Variants in ZNF500 observed in about 807,000 individuals in gnomAD.
The protein encoded by ZNF500 is zinc finger protein with KRAB and SCAN domains 18.
Under a neutral mutation model 30.1 loss-of-function variants are expected in ZNF500, and 31 were observed. That is an observed-to-expected ratio of 1.03 (90% CI 0.77 to 1.39). The LOEUF (loss-of-function observed/expected upper bound fraction) is 1.39, where lower values mean the gene tolerates loss of function less well. Among genes scored for constraint, ZNF500 ranks in the 40% most tolerant of loss-of-function variants. The probability of loss-of-function intolerance (pLI) is 0.00; values close to 1 mark genes in which losing one functional copy is unlikely to be tolerated. For synonymous variants in ZNF500, 392 were observed against 282.0 expected (o/e 1.39, Z -3.91); for missense variants, 817 against 657.8 (o/e 1.24, Z -2.65).
chr16:4,752,789 G>A lies in ZNF500; in HGVS notation c.1030C>T (p.Gln344Ter), dbSNP rs768111521. 1 of 1,614,266 alleles carries A rather than the reference G, an allele frequency of 6.2e-7. No individual in the cohort carries two copies. Among genetic ancestry groups the A allele is most frequent in the South Asian group, 1.1e-5 (1 of 91,090 alleles). Residue 344 changes from glutamine (Q) to a stop codon, truncating the protein, a stop_gained, in exon 6 of 6, where the codon CAG (glutamine) becomes TAG (stop). Coordinates refer to ENST00000219478, the MANE Select transcript of ZNF500 (RefSeq NM_021646.4). LOFTEE classifies it low-confidence loss of function (END_TRUNC). ...FSKTSHLTKHQRTHTGERPYK... is the reference protein window; with the variant it reads ...FSKTSHLTKH ...GGCCGCTCGCCCGTGTGTGTGCGCTGGTGCTTGGTCAAGTGGGACGTCTTG... is the reference window on the plus strand; with the variant it reads ...GGCCGCTCGCCCGTGTGTGTGCGCTAGTGCTTGGTCAAGTGGGACGTCTTG...
intron 1 of ZNF500, among the ~76,000 whole-genome samples, chr16:4,766,287 A>G (rs1367686022): frequency 6.6e-6 from 1 of 152,196 alleles, no homozygotes; most frequent in African/African-American, 2.4e-5. Context: ...CACTGGGCAA[A>G]CAGAGATGAT....
At chr16:4,762,457 GA>G in intron 3 of ZNF500, 115 bp downstream of exon 3, 4 of 1,510,360 alleles carry the variant, frequency 2.6e-6, no homozygotes, top group Non-Finnish European at 3.6e-6. Flanking sequence ...CCTTGCTGGA[GA>G]GCCTGTGCAC....
In ZNF500 at chr16:4,757,215, G is replaced by A. The variant is rs192294744; in HGVS notation, c.760+3277C>T. On this transcript the variant is annotated intron_variant, in intron 5 of 5. Transcript: ENST00000219478. The stretch of plus-strand genomic sequence containing the variant: ...GCAGCAGCAAGATTTATTACGAAGA[G>A]TGAAAGAACAAGTTTCCACAGTGTG... 1.3e-4 allele frequency among the ~76,000 whole-genome samples: 20 copies of A among 152,312 alleles called. No individual in the cohort carries two copies. In the East Asian group the frequency reaches 3.5e-3, roughly 26 times the overall value.
intron 5 of ZNF500, chr16:4,758,416 A>AG (rs1209960855): frequency 1.3e-5 from 2 of 152,152 alleles, no homozygotes; most frequent in Non-Finnish European, 2.9e-5. Context: ...GGGAGCCGGG[A>AG]GGGCTGGCAA....
chr16:4,762,269 A>C lies in ZNF500; in HGVS notation c.663+2T>G, dbSNP rs750607928. On this transcript the variant is annotated splice_donor_variant, in intron 4 of 5. Transcript: ENST00000219478. LOFTEE classifies it high-confidence loss of function. The stretch of plus-strand genomic sequence containing the variant: ...GCTGCAGACCAGGAGCATCCCACTC[A>C]CCTGGGACCAGGCCGAAAGGAAGGG... The C allele has an allele frequency of 6.2e-7, 1 of 1,610,854 alleles. No homozygotes were observed. Among genetic ancestry groups the C allele is most frequent in the South Asian group, 1.1e-5 (1 of 90,382 alleles).
downstream of ZNF500, chr16:4,747,258 A>C: frequency 6.9e-7 from 1 of 1,455,076 alleles, no homozygotes; most frequent in Admixed American, 2.3e-5. Context: ...AGCTGGGCTC[A>C]TCTGCTTTTC....
intron 5 of ZNF500, among the ~76,000 whole-genome samples, chr16:4,759,976 T>A (rs776946988): frequency 6.6e-6 from 1 of 151,920 alleles, no homozygotes; most frequent in South Asian, 2.1e-4. Flanking sequence ...GAGGTGGAGG[T>A]TGCAGTGAGC....
chr16:4,764,163 T>C (rs2082237409), intron 2 of ZNF500: 1 of 871,820 alleles, frequency 1.1e-6, no homozygotes, highest in South Asian at 5.3e-5. Context: ...TCCAGTACAG[T>C]AGCCACTGGC....
intron 2 of ZNF500, chr16:4,764,113 A>G (rs997745243): frequency 2.1e-5 from 21 of 985,154 alleles, no homozygotes; most frequent in Admixed American, 6.2e-5. Flanking sequence ...GGCACTGTCT[A>G]TAGAGATTTC....
At chr16:4,765,322 C>T (rs1156778321) in intron 2 of ZNF500, among the ~76,000 whole-genome samples, 1 of 152,114 alleles carries the variant, frequency 6.6e-6, no homozygotes, top group African/African-American at 2.4e-5. Context: ...TTGGCCTACC[C>T]TAGGACAGTG....
At chr16:4,747,250 CT>C (rs755032873), downstream of ZNF500, 113 of 1,423,776 alleles carry the variant, frequency 7.9e-5, no homozygotes, top group Non-Finnish European at 1.1e-4. Flanking sequence ...GAAATGGGAG[CT>C]GGGCTCATCT....
chr16:4,765,542 A>G, intron 2 of ZNF500, 23 bp downstream of exon 2: 1 of 1,561,064 alleles, frequency 6.4e-7, no homozygotes, highest in Non-Finnish European at 8.7e-7. Context: ...TCCTCACCTG[A>G]GGGTCAAAAT....
At position 4,748,956 on chromosome 16, in the gene ZNF500, C is replaced by G. The variant is rs1156493609; in HGVS notation, c.*3420G>C. The G allele has an allele frequency of 6.6e-6, 1 of 152,320 alleles. No homozygotes were observed. The highest frequency in any genetic ancestry group is 1.5e-5 in the Non-Finnish European group (1 of 68,096). The allele number at this position is 152,320 out of a possible 1,614,324, so 9.4% of individuals were successfully genotyped here. A position where few individuals can be genotyped will look rare whatever the true frequency, so the allele number is the denominator to read the frequency against. ...GGCCCTGCTTGGCCGTGGTCACTGGCCGCCAAGATCAGGGCTACAGATGTC... is the reference window on the plus strand; with the variant it reads ...GGCCCTGCTTGGCCGTGGTCACTGGGCGCCAAGATCAGGGCTACAGATGTC... On this transcript the variant is annotated 3_prime_UTR_variant, in exon 6 of 6. Coordinates refer to ENST00000219478, the MANE Select transcript of ZNF500 (RefSeq NM_021646.4).
intron 5 of ZNF500, chr16:4,756,480 T>C (rs2082135965): frequency 6.6e-6 from 1 of 151,030 alleles, no homozygotes; most frequent in African/African-American, 2.4e-5. Flanking sequence ...TGAAACTCCA[T>C]CTCAATTAAG....
intron 2 of ZNF500, among the ~76,000 whole-genome samples, chr16:4,765,036 C>T (rs1488787212): frequency 3.3e-5 from 5 of 152,150 alleles, no homozygotes; most frequent in Non-Finnish European, 7.3e-5. Flanking sequence ...CGTAGTGGCT[C>T]ATGCCTGTAA....
rs201379039 is a variant in ZNF500, at chr16:4,760,598, C to G, written c.664-10G>C. 1 of 1,612,816 alleles carries G rather than the reference C, an allele frequency of 6.2e-7. No individual in the cohort carries two copies. Among genetic ancestry groups the G allele is most frequent in the Non-Finnish European group, 8.5e-7 (1 of 1,179,260 alleles). On this transcript the variant is annotated splice_polypyrimidine_tract_variant and intron_variant, in intron 4 of 5. Coordinates refer to ENST00000219478, the MANE Select transcript of ZNF500 (RefSeq NM_021646.4). ...CCAAGTTCACGGGCACCTGCCAGAA[C>G]GCACCCCACTCAGTCCTGGCCCCAA...
downstream of ZNF500, chr16:4,746,329 T>C: frequency 8.9e-6 from 14 of 1,570,954 alleles, no homozygotes; most frequent in Non-Finnish European, 1.2e-5. Flanking sequence ...GGTCACAGAG[T>C]TATCACAGAG....
chr16:4,747,289 C>A, downstream of ZNF500: 1 of 1,509,354 alleles, frequency 6.6e-7, no homozygotes, highest in Non-Finnish European at 8.9e-7. Context: ...GTAAGGAGGG[C>A]TGGGAGGGGC....
chr16:4,755,380 G>C (rs1288997128), intron 5 of ZNF500, among the ~76,000 whole-genome samples: 1 of 152,094 alleles, frequency 6.6e-6, no homozygotes, highest in Non-Finnish European at 1.5e-5. Flanking sequence ...GCAGTGGTGT[G>C]ATCTCCGCTC....
Sources: gnomAD v4.1 joint callset for allele counts (sites outside exome capture counted in the v4.1 genomes callset) on GRCh38, gnomAD v4.1.1 for gene constraint, MANE v1.5 for transcripts, NCBI Gene and HGNC (gene_info 2026-07-23, HGNC 2026-07-21) for gene names.